Variants in COL3A1 observed in about 807,000 individuals in gnomAD.
COL3A1 encodes the protein collagen type III alpha 1 chain.
COL3A1 carries 46 observed loss-of-function variants against 200.9 expected under a neutral mutation model. The ratio of observed to expected loss-of-function variants is 0.23; its 90% CI spans 0.18 to 0.29. The LOEUF (loss-of-function observed/expected upper bound fraction) is 0.29, where lower values mean the gene tolerates loss of function less well. Among genes scored for constraint, COL3A1 ranks in the 10% least tolerant of loss-of-function variants. COL3A1 has a pLI of 1.00. For synonymous variants in COL3A1, 650 were observed against 628.0 expected, an observed-to-expected ratio of 1.03 and a Z score of -0.52; for missense variants, 1,367 against 1,917.6, an observed-to-expected ratio of 0.71 and a Z score of 5.36.
chr2:188,993,019 AT>A (rs1389722147), intron 15 of COL3A1, 79 bp downstream of exon 15: 16 of 1,324,226 alleles, frequency 1.2e-5, no homozygotes, highest in Non-Finnish European at 1.5e-5. Flanking sequence ...CTTGCAACTG[AT>A]TTTTTTAATC....
At chr2:189,008,318 A>G (rs1688642395) in intron 47 of COL3A1, 176 bp downstream of exon 47, 4 of 653,224 alleles carry the variant, frequency 6.1e-6, no homozygotes, top group South Asian at 1.8e-5. Context: ...CTACCACACT[A>G]TAACAGGAGA....
At chr2:188,995,187 A>T in intron 21 of COL3A1, 88 bp downstream of exon 21, 1 of 1,236,914 alleles carries the variant, frequency 8.1e-7, no homozygotes, top group Non-Finnish European at 1.2e-6. Flanking sequence ...GAAAACCTAA[A>T]TATCTGAAGA....
At chr2:189,002,702 G>A (rs930433394) in intron 35 of COL3A1, among the ~76,000 whole-genome samples, 1 of 152,134 alleles carries the variant, frequency 6.6e-6, no homozygotes, top group African/African-American at 2.4e-5. Context: ...ATTTTCAAAT[G>A]TTTAATCCTT....
At chr2:188,993,334 A>G (rs1166656238) in intron 15 of COL3A1, 27 bp from the exon 16 acceptor site, 18 of 1,541,388 alleles carry the variant, frequency 1.2e-5, no homozygotes, top group Non-Finnish European at 1.6e-5. Flanking sequence ...GGTAAGAGAA[A>G]CTGACTACAC....
intron 32 of COL3A1, 39 bp from the exon 33 acceptor site, chr2:189,001,358 T>A: frequency 6.3e-7 from 1 of 1,582,844 alleles, no homozygotes; most frequent in Non-Finnish European, 8.7e-7. Flanking sequence ...AAACGATATT[T>A]GTATCTTCAA....
rs587779527 is a variant in COL3A1 at position 188,997,189 on chromosome 2, C to T, written c.1786C>T (p.Arg596Ter). 1.2e-6 allele frequency: 2 copies of T among 1,613,952 alleles called. No homozygotes were observed. Among genetic ancestry groups the T allele is most frequent in the South Asian group, 1.1e-5 (1 of 91,070 alleles). ...GGGTGCTCCTGGTAAGAATGGAGAA[C>T]GAGGTGGCCCTGGAGGACCTGGCCC... The part of the protein sequence containing the change: ...NDGAPGKNGE[R>*]GGPGGPGPQG... The change falls in exon 25 of 51, where the codon CGA (arginine) becomes TGA (stop). Residue 596 changes from arginine to a stop codon, truncating the protein, a stop_gained. Transcript: ENST00000304636. LOFTEE classifies it high-confidence loss of function.
At chr2:188,980,351 T>C (rs1331497031) in intron 1 of COL3A1, among the ~76,000 whole-genome samples, 1 of 149,154 alleles carries the variant, frequency 6.7e-6, no homozygotes, top group East Asian at 2.0e-4. Flanking sequence ...TCTAAGGAGA[T>C]TGAATTCTAA....
intron 15 of COL3A1, 70 bp from the exon 16 acceptor site, chr2:188,993,291 A>G: frequency 7.8e-7 from 1 of 1,285,170 alleles, no homozygotes; most frequent in Non-Finnish European, 1.1e-6. Flanking sequence ...TTTAAACAGG[A>G]CTGAAGGGTG....
At chr2:188,974,843 C>CT (rs1370416334) in intron 1 of COL3A1, among the ~76,000 whole-genome samples, 4 of 152,138 alleles carry the variant, frequency 2.6e-5, no homozygotes, top group Non-Finnish European at 5.9e-5. Flanking sequence ...TTAAAAATGG[C>CT]TTTAAAATTT....
chr2:189,000,308 G>A (rs1316482124), intron 32 of COL3A1, among the ~76,000 whole-genome samples: 1 of 152,164 alleles, frequency 6.6e-6, no homozygotes, highest in Non-Finnish European at 1.5e-5. Context: ...AATTGATGCT[G>A]TACACACAGC....
chr2:188,999,614 A>C, intron 31 of COL3A1, 37 bp downstream of exon 31: 3 of 1,592,782 alleles, frequency 1.9e-6, no homozygotes, highest in Non-Finnish European at 2.6e-6. Context: ...TCAATAAATC[A>C]GTCATTGTAG....
chr2:188,988,677 G>T (rs560984169), intron 7 of COL3A1, 34 bp downstream of exon 7: 1 of 1,470,164 alleles, frequency 6.8e-7, no homozygotes, highest in Non-Finnish European at 9.5e-7. Flanking sequence ...TTAGTAAGTC[G>T]ATAATTCCAT....
chr2:189,003,793 T>C lies in COL3A1; in HGVS notation c.2661+6T>C. On this transcript the variant is annotated splice_donor_region_variant and intron_variant, in intron 38 of 50. Coordinates refer to ENST00000304636, the MANE Select transcript of COL3A1 (RefSeq NM_000090.4). ...CTGGTCCTCCTGGTAGTAATGTAAG[T>C]AATTGTTAAAGTCTTTTCTCATCAT... The C allele has an allele frequency of 6.2e-7, 1 of 1,614,048 alleles. No individual in the cohort carries two copies.
In COL3A1 at chr2:189,004,059, T is replaced by C. The variant is rs1230781217; in HGVS notation, c.2739T>C (p.Ala913=). 6.2e-7 allele frequency: 1 copy of C among 1,613,310 alleles called. No homozygotes were observed. Among genetic ancestry groups the C allele is most frequent in the Non-Finnish European group, 8.5e-7 (1 of 1,179,966 alleles). Residue 913 remains alanine, a synonymous_variant, in exon 39 of 51, where the codon GCT becomes GCC. Transcript: ENST00000304636. ...GPPGPAGNTG[A]PGSPGVSGPK... ...CAGGTCCTGCGGGTAACACTGGTGCTCCTGGCAGCCCTGGAGTGTCTGGAC... is the reference window on the plus strand; with the variant it reads ...CAGGTCCTGCGGGTAACACTGGTGCCCCTGGCAGCCCTGGAGTGTCTGGAC...
Position 189,002,969 on chromosome 2 carries a change from A to C in COL3A1, c.2460A>C (p.Glu820Asp). ...GTTGCATGTAGGGACAGAATGGTGA[A>C]CCTGGTGGTAAAGGAGAAAGAGGGG... ...GFPGAPGQNG[E>D]PGGKGERGAP... The change falls in exon 36 of 51, where the codon GAA becomes GAC. Residue 820 changes from glutamate to aspartate, a missense_variant. Glu to Asp is a conservative substitution (Grantham distance 45, BLOSUM62 2). Around this residue, in one of 5 missense-constraint regions of COL3A1, gnomAD observed 846 missense variants for 1,147.9 expected, o/e 0.74. Coordinates refer to ENST00000304636, the MANE Select transcript of COL3A1 (RefSeq NM_000090.4). 6.4e-7 allele frequency: 1 copy of C among 1,551,628 alleles called. No individual in the cohort carries two copies. The highest frequency in any genetic ancestry group is 2.0e-5 in the Admixed American group (1 of 51,010).
intron 26 of COL3A1, 112 bp downstream of exon 26, chr2:188,997,501 A>ACAC: frequency 7.8e-7 from 1 of 1,284,782 alleles, no homozygotes; most frequent in Non-Finnish European, 1.1e-6. Flanking sequence ...TTACCAAAGC[A>ACAC]ATGATGAAAC....
chr2:188,996,035 G>A, intron 22 of COL3A1, 90 bp from the exon 23 acceptor site: 2 of 1,316,098 alleles, frequency 1.5e-6, no homozygotes, highest in Non-Finnish European at 2.2e-6. Context: ...TCACATGTAA[G>A]TGAAAATATC....
Position 188,997,175 on chromosome 2 carries a change from G to C in COL3A1, c.1772G>C (p.Gly591Ala). 1 of 1,613,942 alleles carries C rather than the reference G, an allele frequency of 6.2e-7. No individual in the cohort carries two copies. Among genetic ancestry groups the C allele is most frequent in the South Asian group, 1.1e-5 (1 of 91,070 alleles). ...PGPKGNDGAP[G>A]KNGERGGPGG... ...CCACTTCTTCTTTAGGGTGCTCCTG[G>C]TAAGAATGGAGAACGAGGTGGCCCT... Residue 591 changes from glycine to alanine, a missense_variant, in exon 25 of 51, where the codon GGT becomes GCT. Transcript: ENST00000304636.
intron 48 of COL3A1, 62 bp downstream of exon 48, chr2:189,009,283 G>A: frequency 1.3e-6 from 2 of 1,591,156 alleles, no homozygotes; most frequent in African/African-American, 1.3e-5. Context: ...GCTTAGATTA[G>A]AATGGGAACG....
Sources: allele counts gnomAD v4.1 joint callset (sites outside exome capture counted in the v4.1 genomes callset), GRCh38; gene constraint gnomAD v4.1.1; regional missense constraint gnomAD v4.1.1; transcripts MANE v1.5; gene names NCBI Gene and HGNC (gene_info 2026-07-23, HGNC 2026-07-21).